MAD1L1: variants seen among roughly 807,000 people sequenced by gnomAD.
The protein encoded by MAD1L1 is mitotic spindle assembly checkpoint protein MAD1.
In MAD1L1, 95 loss-of-function variants were observed where a neutral mutation model predicts 96.9. That is an observed-to-expected ratio of 0.98 (90% CI 0.83 to 1.16). MAD1L1 has a LOEUF of 1.16. Ranked by LOEUF, MAD1L1 falls within the 50% of genes most tolerant of loss-of-function variation. MAD1L1 has a pLI of 0.00. For synonymous variants in MAD1L1, 473 were observed against 396.6 expected (o/e 1.19, Z -2.29); for missense variants, 1,007 against 954.4 (o/e 1.06, Z -0.73).
intron 17 of MAD1L1, among the ~76,000 whole-genome samples, chr7:1,929,356 C>T (rs1422819448): frequency 1.3e-5 from 2 of 152,186 alleles, no homozygotes; most frequent in Admixed American, 6.5e-5. Flanking sequence ...TTAATGCATT[C>T]CCTAATTAAG....
chr7:2,045,720 G>A lies in MAD1L1; in HGVS notation c.1218+23474C>T, dbSNP rs1035175944. ...AGTGAAAAGTCTAACAGGATTCCTT[G>A]AAGGAAGGAGAGTGGGGTGGGGGAG... On this transcript the variant is annotated intron_variant, in intron 12 of 18. Transcript: ENST00000265854. Among the ~76,000 whole-genome samples, 5 of 149,570 alleles carry A rather than the reference G, an allele frequency of 3.3e-5. No individual in the cohort carries two copies. The Admixed American group carries it at 3.3e-4, about 10-fold the overall frequency.
intron 11 of MAD1L1, among the ~76,000 whole-genome samples, chr7:2,093,808 C>T (rs3800896): frequency 0.045 from 6,913 of 152,202 alleles, 253 homozygotes; most frequent in African/African-American, 0.095. Context: ...GCACGGAACG[C>T]GGAACCCAGG....
intron 12 of MAD1L1, among the ~76,000 whole-genome samples, chr7:2,068,309 GAGCTGGAGAA>G (rs1784973394): frequency 6.6e-6 from 1 of 152,172 alleles, no homozygotes; most frequent in African/African-American, 2.4e-5. Context: ...CGCCCAGAGC[GAGCTGGAGAA>G]GCTGTAAAAC....
intron 18 of MAD1L1, among the ~76,000 whole-genome samples, chr7:1,894,754 T>C (rs1786761910): frequency 6.6e-6 from 1 of 150,396 alleles, no homozygotes; most frequent in African/African-American, 2.5e-5. Flanking sequence ...GCAGGGCACA[T>C]CAGCTGGGCA....
chr7:2,164,958 G>C (rs1790352618), intron 10 of MAD1L1, among the ~76,000 whole-genome samples: 1 of 152,192 alleles, frequency 6.6e-6, no homozygotes, highest in Non-Finnish European at 1.5e-5. Context: ...TGAGGGAAGG[G>C]GGCATGTTGA....
At chr7:2,069,095 C>T (rs1005889648) in intron 12 of MAD1L1, 99 bp downstream of exon 12, 2 of 1,420,382 alleles carry the variant, frequency 1.4e-6, no homozygotes, top group Non-Finnish European at 1.8e-6. Flanking sequence ...CCTGACCCGG[C>T]TGCAGCACTC....
chr7:2,214,685 T>C lies in MAD1L1; in HGVS notation c.924+1200A>G, dbSNP rs2081562471. On this transcript the variant is annotated intron_variant, in intron 9 of 18. Transcript: ENST00000265854. ...AGGGGCCAGAAGGCCTAAATTCTGG[T>C]CCAAACTTGCTGTGCACCGGGCAAG... 2.0e-5 allele frequency among the ~76,000 whole-genome samples: 3 copies of C among 152,252 alleles called. No homozygotes were observed. In the South Asian group the frequency reaches 6.2e-4, roughly 32 times the overall value.
At chr7:2,141,510 C>T (rs1023360135) in intron 11 of MAD1L1, among the ~76,000 whole-genome samples, 3 of 152,198 alleles carry the variant, frequency 2.0e-5, no homozygotes, top group Non-Finnish European at 4.4e-5. Flanking sequence ...TGTCCCCCAA[C>T]CCGGGACTTC....
At chr7:2,002,304 G>A (rs1038595673) in intron 13 of MAD1L1, among the ~76,000 whole-genome samples, 183 bp from the exon 14 acceptor site, 1 of 152,322 alleles carries the variant, frequency 6.6e-6, no homozygotes, top group South Asian at 2.1e-4. Flanking sequence ...CCGCGAGGCC[G>A]AGAGCCCAGT....
intron 6 of MAD1L1, among the ~76,000 whole-genome samples, chr7:2,218,838 G>A (rs1584579588): frequency 1.3e-5 from 2 of 152,176 alleles, no homozygotes; most frequent in South Asian, 4.2e-4. Context: ...GGCGGAGGCT[G>A]CAGTGAGCCG....
intron 11 of MAD1L1, among the ~76,000 whole-genome samples, chr7:2,143,705 A>T (rs1789156275): frequency 6.6e-6 from 1 of 152,122 alleles, no homozygotes; most frequent in African/African-American, 2.4e-5. Context: ...GCTCCAGGAC[A>T]TGCCAGCCTT....
intron 7 of MAD1L1, 134 bp downstream of exon 7, chr7:2,217,828 C>T: frequency 1.3e-6 from 1 of 746,798 alleles, no homozygotes; most frequent in Admixed American, 2.1e-5. Context: ...CAGCACAGTG[C>T]CCAACACACA....
At chr7:2,067,165 G>A (rs1400987822) in intron 12 of MAD1L1, among the ~76,000 whole-genome samples, 3 of 151,906 alleles carry the variant, frequency 2.0e-5, no homozygotes, top group African/African-American at 4.8e-5. Flanking sequence ...CAGCACGTTC[G>A]CAGGCACCCG....
intron 15 of MAD1L1, among the ~76,000 whole-genome samples, chr7:1,965,269 G>A (rs965105830): frequency 6.6e-5 from 10 of 152,182 alleles, no homozygotes; most frequent in African/African-American, 1.9e-4. Flanking sequence ...GTCCTGACAC[G>A]GAGCACCTCG....
At chr7:1,928,051 G>A (rs1789190741) in intron 17 of MAD1L1, among the ~76,000 whole-genome samples, 1 of 152,138 alleles carries the variant, frequency 6.6e-6, no homozygotes, top group African/African-American at 2.4e-5. Context: ...CTTGGCTGAC[G>A]TCACATCACT....
intron 13 of MAD1L1, among the ~76,000 whole-genome samples, chr7:2,003,178 C>A (rs996258701): frequency 2.6e-5 from 4 of 151,704 alleles, no homozygotes; most frequent in African/African-American, 9.7e-5. Context: ...AATCGAGAGG[C>A]AGGCAGATGC....
chr7:2,208,770 C>A (rs1236605748), intron 10 of MAD1L1, among the ~76,000 whole-genome samples: 1 of 152,186 alleles, frequency 6.6e-6, no homozygotes, highest in East Asian at 1.9e-4. Flanking sequence ...ATTACTCCTC[C>A]TCCCCCTCCT....
At chr7:1,986,982 TC>T (rs1231498288) in intron 14 of MAD1L1, among the ~76,000 whole-genome samples, 1 of 149,592 alleles carries the variant, frequency 6.7e-6, no homozygotes, top group African/African-American at 2.5e-5. Flanking sequence ...CACCCCTACA[TC>T]CCCCTCCAGG....
chr7:1,825,564 C>G (rs1305253839), intron 18 of MAD1L1, among the ~76,000 whole-genome samples: 1 of 152,256 alleles, frequency 6.6e-6, no homozygotes, highest in Non-Finnish European at 1.5e-5. Flanking sequence ...GCGGCCAGGG[C>G]ACCCAGGTTG....
Sources: allele counts gnomAD v4.1 joint callset (sites outside exome capture counted in the v4.1 genomes callset), GRCh38; gene constraint gnomAD v4.1.1; transcripts MANE v1.5; gene names NCBI Gene and HGNC (gene_info 2026-07-23, HGNC 2026-07-21).